Variants in TGM6 observed in about 807,000 individuals in gnomAD.
TGM6 encodes protein-glutamine gamma-glutamyltransferase 6.
In TGM6, 74 loss-of-function variants were observed where a neutral mutation model predicts 77.5. The observed-to-expected ratio is 0.96, with a 90% confidence interval of 0.79 to 1.16. TGM6 has a LOEUF of 1.16. TGM6 is among the 50% of genes most tolerant of loss of function. The probability of loss-of-function intolerance (pLI) is 0.00; values close to 1 mark genes in which losing one functional copy is unlikely to be tolerated. For missense variants in TGM6, 968 were observed against 940.2 expected (o/e 1.03, Z -0.39); for synonymous variants, 383 against 378.9 (o/e 1.01, Z -0.12).
intron 5 of TGM6, among the ~76,000 whole-genome samples, 158 bp downstream of exon 5, chr20:2,398,204 A>C (rs534767535): frequency 3.3e-5 from 5 of 152,190 alleles, no homozygotes; most frequent in Non-Finnish European, 7.4e-5. Context: ...ACAACCCTTT[A>C]TTATGCTTAC....
intron 10 of TGM6, among the ~76,000 whole-genome samples, chr20:2,427,891 G>C (rs1329677832): frequency 6.6e-6 from 1 of 152,166 alleles, no homozygotes; most frequent in African/African-American, 2.4e-5. Flanking sequence ...AAGTAGCTGA[G>C]ACTACAGGCA....
intron 10 of TGM6, among the ~76,000 whole-genome samples, chr20:2,424,621 A>G (rs368606829): frequency 4.3e-4 from 66 of 152,286 alleles, no homozygotes; most frequent in African/African-American, 1.3e-3. Context: ...TTGCTTTCTT[A>G]TCATTCCTAT....
At chr20:2,419,558 T>C (rs998092127) in intron 10 of TGM6, among the ~76,000 whole-genome samples, 4 of 152,248 alleles carry the variant, frequency 2.6e-5, no homozygotes, top group African/African-American at 9.6e-5. Context: ...AAATCACCTA[T>C]GATTCTACCA....
At chr20:2,412,446 C>T (rs1373041370) in intron 9 of TGM6, among the ~76,000 whole-genome samples, 2 of 152,016 alleles carry the variant, frequency 1.3e-5, no homozygotes, top group African/African-American at 4.8e-5. Flanking sequence ...TACTTAATGA[C>T]ACTGAAGTAT....
rs2084916384 is a variant in TGM6, at chr20:2,430,427, C to T, written c.1679-19C>T. 6.2e-7 allele frequency: 1 copy of T among 1,614,076 alleles called. No individual in the cohort carries two copies. Among genetic ancestry groups the T allele is most frequent in the African/African-American group, 1.3e-5 (1 of 74,954 alleles). ...GAAAGACATCAAGCCCCAACTCCCA[C>T]TTCTGCTTTCCCTTCCAGAGAAGAG... On this transcript the variant is annotated intron_variant, in intron 10 of 12. Coordinates refer to ENST00000202625, the MANE Select transcript of TGM6 (RefSeq NM_198994.3).
At chr20:2,429,768 C>CA (rs764062831) in intron 10 of TGM6, among the ~76,000 whole-genome samples, 207 of 129,188 alleles carry the variant, frequency 1.6e-3, no homozygotes, top group African/African-American at 2.8e-3. Context: ...ACTCCGTCTC[C>CA]AAAAAAAAAA....
At chr20:2,420,867 T>C (rs1429045445) in intron 10 of TGM6, among the ~76,000 whole-genome samples, 1 of 70,998 alleles carries the variant, frequency 1.4e-5, no homozygotes, top group African/African-American at 6.8e-5. Context: ...TATATGGATG[T>C]ACACAGTTTA....
At chr20:2,427,641 G>A (rs1411600710) in intron 10 of TGM6, among the ~76,000 whole-genome samples, 11 of 152,068 alleles carry the variant, frequency 7.2e-5, no homozygotes. Context: ...TAGATTATTG[G>A]ATTTAGATCC....
chr20:2,402,046 T>C (rs2084713866), intron 7 of TGM6, among the ~76,000 whole-genome samples: 1 of 151,982 alleles, frequency 6.6e-6, no homozygotes, highest in Non-Finnish European at 1.5e-5. Flanking sequence ...GAGACCAGCC[T>C]GGCCAACACG....
chr20:2,424,702 C>T (rs2084876799), intron 10 of TGM6, among the ~76,000 whole-genome samples: 1 of 152,120 alleles, frequency 6.6e-6, no homozygotes, highest in Non-Finnish European at 1.5e-5. Context: ...CATTCAAAAC[C>T]TTGCTGTTTG....
chr20:2,383,662 C>G (rs2084571014), intron 1 of TGM6, among the ~76,000 whole-genome samples: 1 of 152,130 alleles, frequency 6.6e-6, no homozygotes, highest in African/African-American at 2.4e-5. Context: ...ACAGGTTGAG[C>G]TGAAAAACAC....
intron 1 of TGM6, among the ~76,000 whole-genome samples, chr20:2,383,522 G>C (rs1302213743): frequency 6.6e-6 from 1 of 152,226 alleles, no homozygotes; most frequent in African/African-American, 2.4e-5. Flanking sequence ...TGACTGTCAA[G>C]GACCTTCAAT....
chr20:2,393,082 A>G (rs969472442), intron 1 of TGM6, among the ~76,000 whole-genome samples: 1 of 152,348 alleles, frequency 6.6e-6, no homozygotes, highest in South Asian at 2.1e-4. Context: ...GAGATTATAC[A>G]GTCCATCCTC....
intron 9 of TGM6, among the ~76,000 whole-genome samples, chr20:2,408,370 C>T (rs1568663293): frequency 6.6e-6 from 1 of 152,162 alleles, no homozygotes; most frequent in African/African-American, 2.4e-5. Flanking sequence ...CTGACTTCAC[C>T]CCAAACTTTT....
intron 9 of TGM6, among the ~76,000 whole-genome samples, chr20:2,413,177 A>C (rs2084795008): frequency 1.3e-5 from 2 of 152,196 alleles, no homozygotes; most frequent in African/African-American, 4.8e-5. Context: ...TTAGGAGGCC[A>C]AGTCAGGAGA....
At chr20:2,403,366 G>A in intron 7 of TGM6, 31 bp from the exon 8 acceptor site, 1 of 1,613,204 alleles carries the variant, frequency 6.2e-7, no homozygotes, top group South Asian at 1.1e-5. Context: ...CCTCACTCTA[G>A]GCAGCTTCAC....
At chr20:2,408,837 T>C (rs1216154188) in intron 9 of TGM6, among the ~76,000 whole-genome samples, 4 of 152,154 alleles carry the variant, frequency 2.6e-5, no homozygotes, top group African/African-American at 9.7e-5. Context: ...GACATTCTAG[T>C]GGGGCAGGTA....
intron 9 of TGM6, among the ~76,000 whole-genome samples, chr20:2,414,141 G>C (rs963341496): frequency 4.6e-5 from 7 of 152,232 alleles, no homozygotes; most frequent in African/African-American, 1.7e-4. Flanking sequence ...AGAGGCCAAG[G>C]CGAGAGGAGT....
intron 1 of TGM6, among the ~76,000 whole-genome samples, chr20:2,385,739 C>G (rs1377359780): frequency 6.6e-6 from 1 of 152,060 alleles, no homozygotes; most frequent in African/African-American, 2.4e-5. Flanking sequence ...GAGGGCGGGC[C>G]CAAGGACGCT....
Sources: allele counts gnomAD v4.1 joint callset (sites outside exome capture counted in the v4.1 genomes callset), GRCh38; gene constraint gnomAD v4.1.1; transcripts MANE v1.5; gene names NCBI Gene and HGNC (gene_info 2026-07-23, HGNC 2026-07-21).